KHDRBS2: variants seen among roughly 807,000 people sequenced by gnomAD.
KHDRBS2 encodes KH RNA binding domain containing, signal transduction associated 2, also known as KH domain-containing, RNA-binding, signal transduction-associated protein 2.
In KHDRBS2, 26 loss-of-function variants were observed where a neutral mutation model predicts 44.3. The observed-to-expected ratio is 0.59, with a 90% CI of 0.43 to 0.81. The LOEUF is 0.81. Ranked by LOEUF, KHDRBS2 falls within the 40% of genes least tolerant of loss-of-function variation. KHDRBS2 has a pLI of 0.00. For missense variants in KHDRBS2, 476 were observed against 433.1 expected (o/e 1.10, Z -0.88); for synonymous variants, 194 against 151.1 (o/e 1.28, Z -2.08).
chr6:62,118,713 T>C (rs1046051062), intron 2 of KHDRBS2, among the ~76,000 whole-genome samples: 4 of 152,124 alleles, frequency 2.6e-5, no homozygotes, highest in Non-Finnish European at 2.9e-5. Flanking sequence ...AGAAAGCAGA[T>C]TGGCAGAGTC....
intron 6 of KHDRBS2, among the ~76,000 whole-genome samples, chr6:61,769,404 T>A (rs893349089): frequency 3.9e-5 from 6 of 152,150 alleles, no homozygotes; most frequent in Admixed American, 2.6e-4. Context: ...GGGAATTCCC[T>A]TTCCTAGTCA....
At chr6:61,998,554 CTTT>C (rs1016036232) in intron 3 of KHDRBS2, among the ~76,000 whole-genome samples, 1 of 152,014 alleles carries the variant, frequency 6.6e-6, no homozygotes, top group African/African-American at 2.4e-5. Context: ...ACGTTTTCTT[CTTT>C]ATCTTTATTT....
At chr6:62,220,126 T>C (rs192573722) in intron 1 of KHDRBS2, among the ~76,000 whole-genome samples, 27 of 151,678 alleles carry the variant, frequency 1.8e-4, no homozygotes, top group South Asian at 4.1e-4. Context: ...CCAGAAGCAA[T>C]TGAATGATGT....
chr6:61,548,490 C>A, the KHDRBS2 span, among the ~76,000 whole-genome samples: 353 of 152,220 alleles, frequency 2.3e-3, 2 homozygotes, highest in African/African-American at 8.0e-3. Flanking sequence ...GTAGAAGTTG[C>A]TGTCCAAGAA....
At chr6:62,007,345 T>C (rs1779433237) in intron 3 of KHDRBS2, among the ~76,000 whole-genome samples, 1 of 152,056 alleles carries the variant, frequency 6.6e-6, no homozygotes, top group Non-Finnish European at 1.5e-5. Context: ...CTGCCATGAT[T>C]ATCCAAAGTG....
At chr6:61,986,563 A>T (rs1335504336) in intron 3 of KHDRBS2, among the ~76,000 whole-genome samples, 1 of 152,222 alleles carries the variant, frequency 6.6e-6, no homozygotes, top group African/African-American at 2.4e-5. Flanking sequence ...TAGAAAGATA[A>T]GGAAAAATAA....
intron 6 of KHDRBS2, among the ~76,000 whole-genome samples, chr6:61,830,299 G>A (rs1239411177): frequency 6.6e-6 from 1 of 152,110 alleles, no homozygotes; most frequent in Admixed American, 6.5e-5. Context: ...GGGTAAGCCT[G>A]GAGTGAATTT....
intron 3 of KHDRBS2, among the ~76,000 whole-genome samples, chr6:62,043,312 C>CAGCA (rs1786959708): frequency 6.6e-6 from 1 of 152,168 alleles, no homozygotes; most frequent in South Asian, 2.1e-4. Flanking sequence ...CCAGTGAAAC[C>CAGCA]AGCAGCTTTG....
At chr6:61,776,164 G>A (rs1288739859) in intron 6 of KHDRBS2, among the ~76,000 whole-genome samples, 3 of 151,946 alleles carry the variant, frequency 2.0e-5, no homozygotes, top group Non-Finnish European at 4.4e-5. Flanking sequence ...AGACTTACAT[G>A]TTAGACCTAA....
intron 1 of KHDRBS2, among the ~76,000 whole-genome samples, chr6:62,223,163 A>G (rs941618988): frequency 2.6e-5 from 4 of 152,318 alleles, no homozygotes; most frequent in East Asian, 1.9e-4. Context: ...AAGTGTTTCT[A>G]TACATCCTCT....
At chr6:62,238,973 T>C (rs757024478) in intron 1 of KHDRBS2, among the ~76,000 whole-genome samples, 21 of 152,284 alleles carry the variant, frequency 1.4e-4, no homozygotes, top group Non-Finnish European at 7.4e-5. Context: ...TGCTATGATA[T>C]AACTAGATGG....
intron 6 of KHDRBS2, among the ~76,000 whole-genome samples, chr6:61,781,507 AAAC>A (rs1253307407): frequency 6.6e-6 from 1 of 152,142 alleles, no homozygotes; most frequent in Admixed American, 6.6e-5. Flanking sequence ...AATAAACAAA[AAAC>A]TAGCATTTCC....
intron 2 of KHDRBS2, among the ~76,000 whole-genome samples, chr6:62,103,124 G>T (rs1313308551): frequency 6.6e-6 from 1 of 152,070 alleles, no homozygotes; most frequent in African/African-American, 2.4e-5. Context: ...CAGCCAAAAG[G>T]CATCAATGAA....
chr6:61,976,642 T>C (rs1426869827), intron 4 of KHDRBS2, among the ~76,000 whole-genome samples: 1 of 152,150 alleles, frequency 6.6e-6, no homozygotes, highest in Non-Finnish European at 1.5e-5. Flanking sequence ...ATCATAACTG[T>C]GATAGAGGCT....
chr6:61,636,183 C>T, the KHDRBS2 span, among the ~76,000 whole-genome samples: 6 of 152,020 alleles, frequency 3.9e-5, no homozygotes, highest in Non-Finnish European at 7.4e-5. Context: ...GAAAATGATG[C>T]TTTATTCATT....
the KHDRBS2 span, among the ~76,000 whole-genome samples, chr6:61,554,596 T>C: frequency 3.3e-5 from 5 of 152,228 alleles, no homozygotes; most frequent in African/African-American, 1.2e-4. Context: ...TGTGGTTTCT[T>C]TATATTGTCA....
Position 61,791,401 on chromosome 6 carries a change from C to T in KHDRBS2, c.811-58637G>A, listed in dbSNP as rs1255785314. ...TTATGTCCAAGTATTGCTTTAACTACATTCTCAAGTTTTAACGTGTAAGAT... is the reference window on the plus strand; with the variant it reads ...TTATGTCCAAGTATTGCTTTAACTATATTCTCAAGTTTTAACGTGTAAGAT... On this transcript the variant is annotated intron_variant, in intron 6 of 8. Coordinates refer to ENST00000281156, the MANE Select transcript of KHDRBS2 (RefSeq NM_152688.4). Among the ~76,000 whole-genome samples, 5 of 151,554 alleles carry T rather than the reference C, an allele frequency of 3.3e-5. No homozygotes were observed. The East Asian group carries it at 9.6e-4, about 29-fold the overall frequency.
At chr6:62,111,321 C>T (rs556548915) in intron 2 of KHDRBS2, among the ~76,000 whole-genome samples, 38 of 152,224 alleles carry the variant, frequency 2.5e-4, no homozygotes, top group African/African-American at 8.9e-4. Flanking sequence ...TATACTACCA[C>T]TGTAAAGCCT....
intron 4 of KHDRBS2, among the ~76,000 whole-genome samples, chr6:61,946,469 T>C (rs1233306778): frequency 6.6e-6 from 1 of 152,178 alleles, no homozygotes; most frequent in East Asian, 1.9e-4. Context: ...TGCAGAATAT[T>C]GTCCTAAAGT....
Sources: gnomAD v4.1 joint callset for allele counts (sites outside exome capture counted in the v4.1 genomes callset) on GRCh38, gnomAD v4.1.1 for gene constraint, MANE v1.5 for transcripts, NCBI Gene and HGNC (gene_info 2026-07-23, HGNC 2026-07-21) for gene names.